Variants in DNAH11 observed in about 807,000 individuals in gnomAD.
DNAH11 encodes dynein axonemal heavy chain 11, also known as axonemal beta dynein heavy chain 11.
DNAH11 carries 442 observed loss-of-function variants against 526.0 expected under a neutral mutation model. That is an observed-to-expected ratio of 0.84 (90% CI 0.78 to 0.91). DNAH11 has a LOEUF of 0.91. Among genes scored for constraint, DNAH11 ranks in the 40% least tolerant of loss-of-function variants. The pLI, the probability that DNAH11 is intolerant of heterozygous loss-of-function variation, is 0.00. For missense variants in DNAH11, 6,989 were observed against 5,448.7 expected, an observed-to-expected ratio of 1.28 and a Z score of -8.90; for synonymous variants, 2,461 against 1,935.9, an observed-to-expected ratio of 1.27 and a Z score of -7.12.
chr7:21,571,892 C>T lies in DNAH11; in HGVS notation c.1512C>T (p.Val504=), dbSNP rs1783905254. 3 of 1,612,826 alleles carry T rather than the reference C, an allele frequency of 1.9e-6. No individual in the cohort carries two copies. The highest frequency in any genetic ancestry group is 2.5e-6 in the Non-Finnish European group (3 of 1,179,422). The change falls in exon 8 of 82, where the codon GTC becomes GTT. Residue 504 remains valine, a synonymous_variant. Coordinates refer to ENST00000409508, the MANE Select transcript of DNAH11 (RefSeq NM_001277115.2). ...AAGGAGCAATTTTAAATGGACAAGT[C>T]CACGAGATGAGTGAAGAACTTATGG... ...GTKGAILNGQ[V]HEMSEELMEL...
At chr7:21,801,086 C>T in intron 61 of DNAH11, 51 bp from the exon 62 acceptor site, 1 of 1,547,794 alleles carries the variant, frequency 6.5e-7, no homozygotes, top group Non-Finnish European at 8.8e-7. Flanking sequence ...TGATGGTAAT[C>T]TCTCTGTTTT....
Position 21,821,354 on chromosome 7 carries a change from C to A in DNAH11, c.10691+3015C>A, listed in dbSNP as rs563406492. On this transcript the variant is annotated intron_variant, in intron 65 of 81. Coordinates refer to ENST00000409508, the MANE Select transcript of DNAH11 (RefSeq NM_001277115.2). ...GTTGACCACGTAGATTGGGGAATAT[C>A]TATCTGGCGAAGCAGTTATGCTATC... Among the ~76,000 whole-genome samples, 3 of 152,236 alleles carry A rather than the reference C, an allele frequency of 2.0e-5. No individual in the cohort carries two copies. The South Asian group carries it at 6.2e-4, about 32-fold the overall frequency.
intron 9 of DNAH11, among the ~76,000 whole-genome samples, chr7:21,586,869 C>T (rs1186139564): frequency 1.3e-5 from 2 of 152,258 alleles, no homozygotes; most frequent in Non-Finnish European, 2.9e-5. Flanking sequence ...CTTTCAATGG[C>T]GTATTAGCTG....
intron 28 of DNAH11, among the ~76,000 whole-genome samples, chr7:21,653,675 T>C (rs1159183237): frequency 3.3e-5 from 5 of 152,144 alleles, no homozygotes; most frequent in Non-Finnish European, 7.3e-5. Context: ...CTCTGGGTAA[T>C]GTACAGGGAT....
intron 26 of DNAH11, among the ~76,000 whole-genome samples, chr7:21,637,228 C>G (rs916482185): frequency 6.6e-6 from 1 of 151,784 alleles, no homozygotes; most frequent in African/African-American, 2.4e-5. Flanking sequence ...CTTTCTCTCT[C>G]CTTCTCCTCC....
rs1346348168 is a variant in DNAH11, at chr7:21,749,740, G to A, written c.8736G>A (p.Leu2912=). 5.0e-6 allele frequency: 8 copies of A among 1,613,984 alleles called. No homozygotes were observed. Among genetic ancestry groups the A allele is most frequent in the South Asian group, 2.2e-5 (2 of 91,078 alleles). ...GAKNMPTVFL[L]TDAQVLDESF... is the part of the protein sequence containing the mutation. ...AGAACATGCCCACTGTGTTCCTGCT[G>A]ACAGATGCCCAGGTTCTAGATGAGA... The change falls in exon 53 of 82, where the codon CTG becomes CTA. Residue 2912 remains leucine (L), a synonymous_variant. Transcript: ENST00000409508.
chr7:21,869,088 G>C (rs1225902600), intron 73 of DNAH11, 97 bp downstream of exon 73: 10 of 1,533,334 alleles, frequency 6.5e-6, no homozygotes, highest in African/African-American at 2.8e-5. Context: ...TAACACCGCT[G>C]TGCATGGCGA....
intron 66 of DNAH11, among the ~76,000 whole-genome samples, chr7:21,849,384 T>C (rs1782538999): frequency 6.6e-6 from 1 of 152,256 alleles, no homozygotes; most frequent in Non-Finnish European, 1.5e-5. Context: ...ACATATTTTA[T>C]CTTCATTTAC....
At chr7:21,571,569 G>A (rs73066481) in intron 7 of DNAH11, among the ~76,000 whole-genome samples, 11 of 152,026 alleles carry the variant, frequency 7.2e-5, no homozygotes, top group African/African-American at 2.7e-4. Context: ...CGTGAGCCCT[G>A]TGCCTGGCCA....
chr7:21,834,992 C>A (rs551253974), intron 65 of DNAH11, among the ~76,000 whole-genome samples: 87 of 152,022 alleles, frequency 5.7e-4, no homozygotes, highest in African/African-American at 1.9e-3. Context: ...CAAGTATATG[C>A]CAACAAAATA....
intron 32 of DNAH11, among the ~76,000 whole-genome samples, chr7:21,684,205 T>C (rs1353417967): frequency 5.3e-5 from 8 of 152,202 alleles, no homozygotes; most frequent in Non-Finnish European, 8.8e-5. Flanking sequence ...TCAGGATCTA[T>C]CACCACCTCC....
At position 21,636,470 on chromosome 7, in the gene DNAH11, C is replaced by A. The variant is rs538945477; in HGVS notation, c.4725+375C>A. On this transcript the variant is annotated intron_variant, in intron 26 of 81. Coordinates refer to ENST00000409508, the MANE Select transcript of DNAH11 (RefSeq NM_001277115.2). ...AAAAGGTAGGCTAGGCTCGGTGGCTCACACCTATAATCCCAGCCTTTTGGG... is the reference window on the plus strand; with the variant it reads ...AAAAGGTAGGCTAGGCTCGGTGGCTAACACCTATAATCCCAGCCTTTTGGG... Among the ~76,000 whole-genome samples the A allele has an allele frequency of 1.4e-3, 213 of 152,106 alleles. 1 individual carries two copies. Among genetic ancestry groups the A allele is most frequent in the African/African-American group, 4.8e-3 (199 of 41,480 alleles).
intron 30 of DNAH11, among the ~76,000 whole-genome samples, chr7:21,661,914 G>T (rs909615165): frequency 6.6e-6 from 1 of 152,102 alleles, no homozygotes; most frequent in South Asian, 2.1e-4. Context: ...CTACCTTCCA[G>T]GTCAAGCAAT....
chr7:21,629,591 G>GT (rs1454494172), intron 25 of DNAH11, among the ~76,000 whole-genome samples: 12 of 152,192 alleles, frequency 7.9e-5, no homozygotes, highest in African/African-American at 2.9e-4. Context: ...ATACCTGGGA[G>GT]TTTAGGTGTT....
intron 28 of DNAH11, among the ~76,000 whole-genome samples, chr7:21,648,357 G>C (rs1042340465): frequency 2.0e-5 from 3 of 152,106 alleles, no homozygotes; most frequent in Non-Finnish European, 2.9e-5. Flanking sequence ...TCTCCATTTG[G>C]GTTGCCATAT....
At chr7:21,796,957 C>T (rs1788741903) in intron 61 of DNAH11, among the ~76,000 whole-genome samples, 2 of 151,686 alleles carry the variant, frequency 1.3e-5, no homozygotes, top group South Asian at 2.1e-4. Flanking sequence ...GTTTGTTTAT[C>T]AGATCACATG....
intron 14 of DNAH11, among the ~76,000 whole-genome samples, chr7:21,597,158 A>G (rs1459424654): frequency 6.9e-6 from 1 of 144,530 alleles, no homozygotes; most frequent in Non-Finnish European, 1.5e-5. Context: ...CAGTTATCTA[A>G]AGCTCTCCTT....
intron 68 of DNAH11, among the ~76,000 whole-genome samples, chr7:21,857,158 G>C (rs532595915): frequency 2.7e-4 from 41 of 152,278 alleles, no homozygotes; most frequent in African/African-American, 8.7e-4. Context: ...AATGTACCTT[G>C]TATTTCTATA....
rs763055953 is a variant in DNAH11 at position 21,778,984 on chromosome 7, C to T, written c.9363C>T (p.Ala3121=). The T allele has an allele frequency of 2.4e-5, 38 of 1,613,180 alleles. No homozygotes were observed. The highest frequency in any genetic ancestry group is 3.1e-5 in the Non-Finnish European group (36 of 1,179,438). The change falls in exon 57 of 82, where the codon GCC becomes GCT. Residue 3121 remains alanine (A), a synonymous_variant. Transcript: ENST00000409508. ...TGGGAGATCTAAAAGCCAGACTTGCCTCTCAAGAAGCCGAGCTGCAACTGA... is the reference window on the plus strand; with the variant it reads ...TGGGAGATCTAAAAGCCAGACTTGCTTCTCAAGAAGCCGAGCTGCAACTGA... ...SQVGDLKARL[A]SQEAELQLRN...
Sources: gnomAD v4.1 joint callset for allele counts (sites outside exome capture counted in the v4.1 genomes callset) on GRCh38, gnomAD v4.1.1 for gene constraint, MANE v1.5 for transcripts, NCBI Gene and HGNC (gene_info 2026-07-23, HGNC 2026-07-21) for gene names.